The following HDHD2 variants were observed in gnomAD, a reference collection of about 807,000 sequenced individuals.
HDHD2 encodes the protein haloacid dehalogenase-like hydrolase domain-containing protein 2.
In HDHD2, 26 loss-of-function variants were observed where a neutral mutation model predicts 24.8. The ratio of observed to expected loss-of-function variants is 1.05; its 90% CI spans 0.77 to 1.45. The LOEUF (loss-of-function observed/expected upper bound fraction) is 1.45, where lower values mean the gene tolerates loss of function less well. Ranked by LOEUF, HDHD2 falls within the 40% of genes most tolerant of loss-of-function variation. The probability of loss-of-function intolerance (pLI) is 0.00; values close to 1 mark genes in which losing one functional copy is unlikely to be tolerated. For synonymous variants in HDHD2, 128 were observed against 114.9 expected, an observed-to-expected ratio of 1.11 and a Z score of -0.73; for missense variants, 299 against 313.4, an observed-to-expected ratio of 0.95 and a Z score of 0.35.
chr18:47,143,303 A>C (rs547374154), intron 1 of HDHD2, among the ~76,000 whole-genome samples: 19 of 152,270 alleles, frequency 1.2e-4, no homozygotes, highest in South Asian at 1.0e-3. Flanking sequence ...AAATAAATTA[A>C]AAAGTAGCCA....
chr18:47,134,860 C>G (rs931586073), intron 2 of HDHD2, among the ~76,000 whole-genome samples, 156 bp from the exon 3 acceptor site: 46 of 152,202 alleles, frequency 3.0e-4, no homozygotes, highest in African/African-American at 1.1e-3. Flanking sequence ...TTACAGTTTA[C>G]ATAGCTACTT....
intron 6 of HDHD2, chr18:47,109,806 T>C (rs1035298718): frequency 2.1e-5 from 4 of 193,802 alleles, no homozygotes; most frequent in African/African-American, 7.1e-5. Flanking sequence ...TTTGTAATTA[T>C]GCATTTATTT....
rs1344311323 is a variant in HDHD2, at chr18:47,110,454, A to C, written c.677-1669T>G. On this transcript the variant is annotated intron_variant, in intron 6 of 6. Coordinates refer to ENST00000300605, the MANE Select transcript of HDHD2 (RefSeq NM_032124.5). ...AAGGTTTCTATTTGATCTTACAGGT[A>C]AGTTAATGACTAAATATTACTATAT... The C allele has an allele frequency of 3.0e-6, 3 of 984,946 alleles. No homozygotes were observed. The African/African-American group carries it at 5.2e-5, about 17-fold the overall frequency. 61.0% of individuals were successfully genotyped at this position (984,946 alleles called of 1,614,324 possible).
At chr18:47,113,431 A>C (rs944532020) in intron 5 of HDHD2, among the ~76,000 whole-genome samples, 1 of 152,200 alleles carries the variant, frequency 6.6e-6, no homozygotes, top group Non-Finnish European at 1.5e-5. Flanking sequence ...CTAGATTCAG[A>C]AGATAGCTTT....
intron 6 of HDHD2, chr18:47,110,233 A>G: frequency 1.0e-6 from 1 of 985,456 alleles, no homozygotes; most frequent in Non-Finnish European, 1.2e-6. Context: ...ATGGTGGAGA[A>G]GACGCTTCCT....
chr18:47,134,134 G>A (rs945210947), intron 3 of HDHD2, among the ~76,000 whole-genome samples: 5 of 152,140 alleles, frequency 3.3e-5, no homozygotes, highest in African/African-American at 9.7e-5. Context: ...CAAACCACGG[G>A]TCGTGATCTA....
At chr18:47,131,212 G>C (rs2063710501) in intron 3 of HDHD2, among the ~76,000 whole-genome samples, 1 of 152,076 alleles carries the variant, frequency 6.6e-6, no homozygotes, top group East Asian at 1.9e-4. Context: ...CCTGACCTCA[G>C]GTGATCCACC....
At chr18:47,137,206 TG>T in intron 1 of HDHD2, 1 of 661,466 alleles carries the variant, frequency 1.5e-6, no homozygotes, top group South Asian at 1.4e-5. Flanking sequence ...TCCAATTTGA[TG>T]GGCAATCAAT....
At chr18:47,115,051 C>G in intron 5 of HDHD2, 81 bp downstream of exon 5, 1 of 952,772 alleles carries the variant, frequency 1.0e-6, no homozygotes, top group Non-Finnish European at 1.7e-6. Context: ...AGAATGTCCC[C>G]TTTCCTAAAG....
chr18:47,116,701 T>C (rs2063560565), intron 4 of HDHD2, among the ~76,000 whole-genome samples: 1 of 152,190 alleles, frequency 6.6e-6, no homozygotes. Context: ...AGCAATGAGT[T>C]ACTAACGGGT....
chr18:47,112,166 C>T (rs2063520889), intron 6 of HDHD2, among the ~76,000 whole-genome samples: 1 of 152,210 alleles, frequency 6.6e-6, no homozygotes, highest in South Asian at 2.1e-4. Context: ...TAATATTCAG[C>T]CCCACTAACA....
chr18:47,135,031 G>C (rs1199188265), intron 2 of HDHD2, among the ~76,000 whole-genome samples: 3 of 152,090 alleles, frequency 2.0e-5, no homozygotes. Context: ...CCGTGCAACA[G>C]ATTTTTTTTT....
At chr18:47,131,467 AG>A (rs1223050374) in intron 3 of HDHD2, among the ~76,000 whole-genome samples, 2 of 152,218 alleles carry the variant, frequency 1.3e-5, no homozygotes, top group African/African-American at 4.8e-5. Context: ...ATGCCTGTCC[AG>A]ATCTGAAATC....
intron 4 of HDHD2, 123 bp downstream of exon 4, chr18:47,130,121 C>A: frequency 3.5e-6 from 2 of 569,708 alleles, no homozygotes; most frequent in Non-Finnish European, 3.1e-6. Flanking sequence ...TTGAAGATGT[C>A]TATCCTAATG....
At chr18:47,110,486 C>G in intron 6 of HDHD2, 1 of 985,020 alleles carries the variant, frequency 1.0e-6, no homozygotes, top group Non-Finnish European at 1.2e-6. Context: ...ATATGACCTA[C>G]TTTCTGGATC....
chr18:47,145,044 G>C (rs1157535586), intron 1 of HDHD2, among the ~76,000 whole-genome samples: 18 of 152,106 alleles, frequency 1.2e-4, no homozygotes, highest in Admixed American at 1.2e-3. Context: ...ACACATGAAA[G>C]ACTATCAGTG....
At chr18:47,138,059 G>C (rs1018277661) in intron 1 of HDHD2, among the ~76,000 whole-genome samples, 9 of 150,278 alleles carry the variant, frequency 6.0e-5, no homozygotes, top group African/African-American at 2.0e-4. Flanking sequence ...CCAGCTACTA[G>C]GGAGGCTGAG....
chr18:47,110,924 G>A (rs1192731557), intron 6 of HDHD2: 8 of 984,846 alleles, frequency 8.1e-6, no homozygotes, highest in Non-Finnish European at 4.8e-6. Flanking sequence ...TACCCCTTTA[G>A]AAACAAAATT....
chr18:47,145,122 G>A (rs1284550385), intron 1 of HDHD2, among the ~76,000 whole-genome samples: 2 of 152,296 alleles, frequency 1.3e-5, no homozygotes, highest in Non-Finnish European at 2.9e-5. Context: ...CTAAACCCTT[G>A]CTATACGCCA....
Sources: allele counts gnomAD v4.1 joint callset (sites outside exome capture counted in the v4.1 genomes callset), GRCh38; gene constraint gnomAD v4.1.1; transcripts MANE v1.5; gene names NCBI Gene and HGNC (gene_info 2026-07-23, HGNC 2026-07-21).